Variants in DPP10 observed in about 807,000 individuals in gnomAD.
DPP10 encodes the protein inactive dipeptidyl peptidase 10.
A neutral mutation model predicts 120.9 loss-of-function variants in DPP10; 33 were observed. The observed-to-expected ratio is 0.27, with a 90% CI of 0.21 to 0.37. DPP10 has a LOEUF of 0.37. Ranked by LOEUF, DPP10 falls within the 10% of genes least tolerant of loss-of-function variation. The probability of loss-of-function intolerance (pLI) is 1.00; values close to 1 mark genes in which losing one functional copy is unlikely to be tolerated. For synonymous variants in DPP10, 337 were observed against 326.1 expected (o/e 1.03, Z -0.36); for missense variants, 816 against 942.8 (o/e 0.87, Z 1.76).
At chr2:114,583,131 T>C (rs1253683495) in intron 1 of DPP10, among the ~76,000 whole-genome samples, 1 of 152,248 alleles carries the variant, frequency 6.6e-6, no homozygotes, top group Non-Finnish European at 1.5e-5. Context: ...CTGTTTTAAA[T>C]TTAATTGTAT....
At chr2:114,521,029 G>A (rs1053767408) in intron 1 of DPP10, among the ~76,000 whole-genome samples, 24 of 152,014 alleles carry the variant, frequency 1.6e-4, no homozygotes, top group Non-Finnish European at 1.6e-4. Context: ...AAGAAGCACC[G>A]TGAGCAGAAG....
chr2:114,694,805 A>T (rs1427774480), intron 1 of DPP10, among the ~76,000 whole-genome samples: 1 of 151,828 alleles, frequency 6.6e-6, no homozygotes, highest in African/African-American at 2.4e-5. Context: ...TGTGATTTCT[A>T]AATTAAGTCT....
chr2:114,535,696 T>A (rs771576461), intron 1 of DPP10, among the ~76,000 whole-genome samples: 3 of 152,168 alleles, frequency 2.0e-5, no homozygotes, highest in Non-Finnish European at 4.4e-5. Flanking sequence ...CAAACCTACC[T>A]CTTTGATTGC....
intron 3 of DPP10, among the ~76,000 whole-genome samples, chr2:115,404,531 A>G (rs1249001780): frequency 6.6e-6 from 1 of 152,188 alleles, no homozygotes; most frequent in Non-Finnish European, 1.5e-5. Context: ...TGCCATGTTC[A>G]TGGATTAGAA....
chr2:114,518,308 C>G (rs559829248), intron 1 of DPP10, among the ~76,000 whole-genome samples: 81 of 152,100 alleles, frequency 5.3e-4, no homozygotes, highest in Non-Finnish European at 1.1e-3. Flanking sequence ...AAACTCCCGG[C>G]CTCAGGTAGT....
intron 1 of DPP10, among the ~76,000 whole-genome samples, chr2:114,653,600 T>C (rs866298790): frequency 2.0e-5 from 3 of 152,178 alleles, no homozygotes; most frequent in South Asian, 2.1e-4. Context: ...ATTTGATCCA[T>C]GCATTTGTCA....
chr2:115,040,948 G>T (rs949914288), intron 1 of DPP10, among the ~76,000 whole-genome samples: 2 of 151,704 alleles, frequency 1.3e-5, no homozygotes, highest in African/African-American at 2.4e-5. Flanking sequence ...ATGAAGCTCC[G>T]TCTCTACTAA....
chr2:115,088,925 T>C (rs1054673824), intron 1 of DPP10, among the ~76,000 whole-genome samples: 1 of 152,090 alleles, frequency 6.6e-6, no homozygotes, highest in Admixed American at 6.6e-5. Flanking sequence ...AATTTTGGCC[T>C]GAATTCCTGG....
At chr2:115,383,764 TATATA>T (rs2066625092) in intron 3 of DPP10, among the ~76,000 whole-genome samples, 1 of 152,320 alleles carries the variant, frequency 6.6e-6, no homozygotes, top group East Asian at 1.9e-4. Flanking sequence ...GTGTATCTCT[TATATA>T]ATAATGATTT....
chr2:114,807,435 G>T (rs766549621), intron 1 of DPP10, among the ~76,000 whole-genome samples: 11 of 152,010 alleles, frequency 7.2e-5, no homozygotes, highest in Non-Finnish European at 1.5e-4. Flanking sequence ...CAGCTATTTT[G>T]AAATATACAA....
intron 3 of DPP10, among the ~76,000 whole-genome samples, chr2:115,384,198 G>T (rs1027630903): frequency 6.6e-6 from 1 of 152,058 alleles, no homozygotes; most frequent in Non-Finnish European, 1.5e-5. Context: ...TTCCTCTTAT[G>T]CAAGGTGAGG....
intron 1 of DPP10, among the ~76,000 whole-genome samples, chr2:115,282,140 T>A (rs1429002747): frequency 6.6e-6 from 1 of 152,082 alleles, no homozygotes; most frequent in Non-Finnish European, 1.5e-5. Flanking sequence ...TGTTTATTTT[T>A]AAAAGTGATA....
intron 5 of DPP10, among the ~76,000 whole-genome samples, chr2:115,592,007 G>C (rs894071411): frequency 6.6e-6 from 1 of 152,030 alleles, no homozygotes; most frequent in African/African-American, 2.4e-5. Context: ...CAAGGTGAGC[G>C]CCCTGAACAA....
At chr2:115,223,358 G>T (rs1237357185) in intron 1 of DPP10, among the ~76,000 whole-genome samples, 1 of 152,090 alleles carries the variant, frequency 6.6e-6, no homozygotes, top group Non-Finnish European at 1.5e-5. Flanking sequence ...GGATTCATAG[G>T]TTTAATTATG....
intron 1 of DPP10, among the ~76,000 whole-genome samples, chr2:114,690,885 T>C (rs115109004): frequency 0.033 from 5,009 of 152,168 alleles, 127 homozygotes; most frequent in Middle Eastern, 0.068. Flanking sequence ...TGTCAGTGCA[T>C]AGGAATGCTA....
At chr2:114,594,343 G>A (rs1691714287) in intron 1 of DPP10, among the ~76,000 whole-genome samples, 1 of 150,730 alleles carries the variant, frequency 6.6e-6, no homozygotes, top group Non-Finnish European at 1.5e-5. Flanking sequence ...GATCATGTAA[G>A]TTAATACTTA....
intron 17 of DPP10, among the ~76,000 whole-genome samples, chr2:115,782,933 G>C (rs1449913314): frequency 1.3e-5 from 2 of 152,106 alleles, no homozygotes; most frequent in African/African-American, 4.8e-5. Context: ...CAATGTGACA[G>C]AGTCGGAGGG....
At chr2:115,384,651 A>G (rs2106502640) in intron 3 of DPP10, among the ~76,000 whole-genome samples, 1 of 149,968 alleles carries the variant, frequency 6.7e-6, no homozygotes, top group East Asian at 2.0e-4. Flanking sequence ...AGGAAGAAGA[A>G]GAAGGAAGAA....
intron 16 of DPP10, among the ~76,000 whole-genome samples, chr2:115,781,916 T>C (rs1682804623): frequency 6.6e-6 from 1 of 152,054 alleles, no homozygotes; most frequent in South Asian, 2.1e-4. Flanking sequence ...TTTAAACTTT[T>C]CTTATGGATG....
Sources: allele counts gnomAD v4.1 joint callset (sites outside exome capture counted in the v4.1 genomes callset), GRCh38; gene constraint gnomAD v4.1.1; transcripts MANE v1.5; gene names NCBI Gene and HGNC (gene_info 2026-07-23, HGNC 2026-07-21).